The following ATP11A variants were observed in gnomAD, a reference collection of about 807,000 sequenced individuals.
ATP11A encodes ATPase phospholipid transporting 11A, also known as phospholipid-transporting ATPase IH.
In ATP11A, 81 loss-of-function variants were observed where a neutral mutation model predicts 154.4. That is an observed-to-expected ratio of 0.52 (90% CI 0.44 to 0.63). The LOEUF is 0.63. Among genes scored for constraint, ATP11A ranks in the 30% least tolerant of loss-of-function variants. The pLI, the probability that ATP11A is intolerant of heterozygous loss-of-function variation, is 0.00. For synonymous variants in ATP11A, 623 were observed against 585.9 expected (o/e 1.06, Z -0.91); for missense variants, 1,316 against 1,474.3 (o/e 0.89, Z 1.76).
At position 112,770,035 on chromosome 13, in the gene ATP11A, C is replaced by T. The variant is rs576293300; in HGVS notation, c.40-15100C>T. ...CAGCGGAGTCTGTTCCAACTGCACC[C>T]CCCAATCCTGGACGTGCTGTGGGCT... On this transcript the variant is annotated intron_variant, in intron 1 of 29. Transcript: ENST00000375645. Among the ~76,000 whole-genome samples, 8 of 152,314 alleles carry T rather than the reference C, an allele frequency of 5.3e-5. No individual in the cohort carries two copies. The East Asian group carries it at 7.7e-4, about 15-fold the overall frequency.
chr13:112,876,155 C>A, intron 28 of ATP11A: 2 of 432,080 alleles, frequency 4.6e-6, no homozygotes, highest in Non-Finnish European at 7.7e-6. Context: ...CCTAAACAGT[C>A]ATCTGAAATG....
intron 29 of ATP11A, chr13:112,880,791 T>C: frequency 8.7e-7 from 1 of 1,149,636 alleles, no homozygotes; most frequent in Non-Finnish European, 1.1e-6. Flanking sequence ...ACACATGCAT[T>C]TGCTGTCCCA....
chr13:112,760,592 C>T (rs2076940767), intron 1 of ATP11A, among the ~76,000 whole-genome samples: 1 of 152,134 alleles, frequency 6.6e-6, no homozygotes, highest in South Asian at 2.1e-4. Context: ...CTAGTTCACA[C>T]AGACATTCAA....
intron 1 of ATP11A, among the ~76,000 whole-genome samples, chr13:112,770,733 C>G (rs528685857): frequency 6.6e-6 from 1 of 152,214 alleles, no homozygotes; most frequent in Non-Finnish European, 1.5e-5. Flanking sequence ...CACTGAGAGA[C>G]GGGGGAGGCA....
intron 1 of ATP11A, among the ~76,000 whole-genome samples, chr13:112,709,268 T>G (rs1205736004): frequency 2.0e-5 from 3 of 152,238 alleles, no homozygotes; most frequent in East Asian, 1.9e-4. Flanking sequence ...TATCATGACT[T>G]ACTTTCCAAT....
chr13:112,856,159 C>T (rs997637622), intron 20 of ATP11A, 74 bp downstream of exon 20: 97 of 1,428,204 alleles, frequency 6.8e-5, no homozygotes, highest in South Asian at 1.2e-4. Flanking sequence ...TAGGTCTCAC[C>T]GCCTCAGATT....
intron 1 of ATP11A, among the ~76,000 whole-genome samples, chr13:112,764,708 A>G (rs1238661415): frequency 6.6e-6 from 1 of 152,206 alleles, no homozygotes; most frequent in Non-Finnish European, 1.5e-5. Flanking sequence ...TGTCCCCTTG[A>G]TGGGCTCGTC....
chr13:112,867,385 C>T (rs769618285), intron 25 of ATP11A, among the ~76,000 whole-genome samples: 16 of 152,154 alleles, frequency 1.1e-4, no homozygotes, highest in Non-Finnish European at 7.3e-5. Flanking sequence ...CAAATTTCAG[C>T]GTGAATGTGA....
chr13:112,707,294 A>C (rs1191784451), intron 1 of ATP11A, among the ~76,000 whole-genome samples: 11 of 152,088 alleles, frequency 7.2e-5, no homozygotes, highest in Non-Finnish European at 1.0e-4. Flanking sequence ...ACACGCCTGT[A>C]ATCCCACCTA....
intron 17 of ATP11A, among the ~76,000 whole-genome samples, chr13:112,843,291 C>T (rs369089512): frequency 2.3e-4 from 35 of 152,096 alleles, no homozygotes; most frequent in African/African-American, 7.2e-4. Context: ...GCCGGGTGGG[C>T]GCGTTCCCTC....
At chr13:112,725,711 C>G (rs973046557) in intron 1 of ATP11A, among the ~76,000 whole-genome samples, 4 of 152,284 alleles carry the variant, frequency 2.6e-5, no homozygotes, top group Admixed American at 6.5e-5. Context: ...TGCAAAGTCC[C>G]CATCCCTGGA....
intron 1 of ATP11A, among the ~76,000 whole-genome samples, chr13:112,695,301 A>G (rs930172221): frequency 6.6e-6 from 1 of 152,246 alleles, no homozygotes; most frequent in Non-Finnish European, 1.5e-5. Flanking sequence ...GCAAGCCTGC[A>G]GTACAGACTC....
chr13:112,709,625 A>G (rs1043970979), intron 1 of ATP11A, among the ~76,000 whole-genome samples: 2 of 152,244 alleles, frequency 1.3e-5, no homozygotes, highest in African/African-American at 2.4e-5. Context: ...AACTCAACCA[A>G]TTGTCAACCA....
chr13:112,703,815 T>C (rs535119872), intron 1 of ATP11A, among the ~76,000 whole-genome samples: 35 of 152,290 alleles, frequency 2.3e-4, no homozygotes, highest in African/African-American at 8.2e-4. Context: ...GTTTTGGTGT[T>C]TGCATTACAA....
At chr13:112,735,772 C>T (rs376098521) in intron 1 of ATP11A, among the ~76,000 whole-genome samples, 3 of 152,326 alleles carry the variant, frequency 2.0e-5, no homozygotes, top group South Asian at 2.1e-4. Flanking sequence ...GCGTGATTCA[C>T]CTAACATCGC....
intron 17 of ATP11A, among the ~76,000 whole-genome samples, chr13:112,847,008 G>T (rs1456144682): frequency 6.6e-6 from 1 of 152,126 alleles, no homozygotes; most frequent in East Asian, 1.9e-4. Context: ...TTGAGGGGCC[G>T]TCCACAGCCT....
At chr13:112,862,054 C>T (rs565378521) in intron 24 of ATP11A, among the ~76,000 whole-genome samples, 100 of 151,650 alleles carry the variant, frequency 6.6e-4, no homozygotes, top group African/African-American at 2.3e-3. Context: ...TCACAGCAGG[C>T]GTAAGGCATC....
In ATP11A at chr13:112,696,767, C is replaced by T. The variant is rs1051183396; in HGVS notation, c.39+6312C>T. The T allele has an allele frequency of 6.6e-6, 1 of 152,378 alleles. No homozygotes were observed. The highest frequency in any genetic ancestry group is 1.5e-5 in the Non-Finnish European group (1 of 68,170). 9.4% of individuals were successfully genotyped at this position (152,378 alleles called of 1,614,324 possible). A position where few individuals can be genotyped will look rare whatever the true frequency, so the allele number is the denominator to read the frequency against. Reference sequence around the variant, plus strand: ...CCCTTGCCCTCCACCTCAGCGACTCCGTGGGGCTTTTGTGATCCCAGCTGC... The same window carrying T: ...CCCTTGCCCTCCACCTCAGCGACTCTGTGGGGCTTTTGTGATCCCAGCTGC... On this transcript the variant is annotated intron_variant, in intron 1 of 29. Coordinates refer to ENST00000375645, the MANE Select transcript of ATP11A (RefSeq NM_015205.3). This position sits in a 1 kb window ranked among gnomAD's most constrained non-coding sequence, Gnocchi z 6.2.
intron 17 of ATP11A, among the ~76,000 whole-genome samples, chr13:112,846,120 T>A (rs564397969): frequency 5.9e-5 from 9 of 152,234 alleles, no homozygotes; most frequent in Non-Finnish European, 8.8e-5. Flanking sequence ...TTTGAGGTGT[T>A]TCGTGATGGG....
Sources: allele counts gnomAD v4.1 joint callset (sites outside exome capture counted in the v4.1 genomes callset), GRCh38; gene constraint gnomAD v4.1.1; non-coding constraint Gnocchi (gnomAD v3.1); transcripts MANE v1.5; gene names NCBI Gene and HGNC (gene_info 2026-07-23, HGNC 2026-07-21).